SMG1: variants seen among roughly 807,000 people sequenced by gnomAD.
SMG1 encodes serine/threonine-protein kinase SMG1.
In SMG1, 22 loss-of-function variants were observed where a neutral mutation model predicts 419.9. That is an observed-to-expected ratio of 0.05 (90% confidence interval 0.04 to 0.07). The LOEUF (loss-of-function observed/expected upper bound fraction) is 0.07, where lower values mean the gene tolerates loss of function less well. SMG1 is among the 10% of genes least tolerant of loss of function. SMG1 has a pLI of 1.00. For synonymous variants in SMG1, 1,538 were observed against 1,553.5 expected (o/e 0.99, Z 0.23); for missense variants, 3,185 against 4,342.0 (o/e 0.73, Z 7.49).
At chr16:18,886,692 C>T (rs2036626080) in intron 6 of SMG1, among the ~76,000 whole-genome samples, 1 of 152,140 alleles carries the variant, frequency 6.6e-6, no homozygotes, top group Non-Finnish European at 1.5e-5. Context: ...ATCCCAGCTA[C>T]TCAGGAGGCT....
chr16:18,905,346 C>G (rs2037519744), intron 1 of SMG1, among the ~76,000 whole-genome samples: 1 of 152,162 alleles, frequency 6.6e-6, no homozygotes, highest in Non-Finnish European at 1.5e-5. Flanking sequence ...GCAGACAAAC[C>G]TGTTGAAAAA....
chr16:18,829,343 A>G lies in SMG1; in HGVS notation c.9546T>C (p.Ser3182=). 1.9e-6 allele frequency: 3 copies of G among 1,614,002 alleles called. No homozygotes were observed. The highest frequency in any genetic ancestry group is 2.5e-6 in the Non-Finnish European group (3 of 1,179,880). Residue 3182 remains serine (S), a synonymous_variant, in exon 54 of 63, where the codon AGT becomes AGC. Coordinates refer to ENST00000446231, the MANE Select transcript of SMG1 (RefSeq NM_015092.5). ...GCAGGCTTGTCTTACAAGAAGAAAT[A>G]CTGGTTTCTAGCCTTCGCACCAAGT... is the stretch of plus-strand genomic sequence containing the variant. ...KHDLVRRLET[S]ISSCKTSLQR...
chr16:18,924,674 C>T lies in SMG1; in HGVS notation c.92+1276G>A, dbSNP rs551249187. On this transcript the variant is annotated intron_variant, in intron 1 of 62. Transcript: ENST00000446231. ...TTATCGAACAATATTTTTTTTTTTACGACTAAACATCTCAATTCTAGACTC... is the reference window on the plus strand; with the variant it reads ...TTATCGAACAATATTTTTTTTTTTATGACTAAACATCTCAATTCTAGACTC... Among the ~76,000 whole-genome samples the T allele has an allele frequency of 1.7e-3, 258 of 151,480 alleles. 2 individuals carry two copies. The highest frequency in any genetic ancestry group is 6.8e-3 in the Middle Eastern group (2 of 294).
intron 13 of SMG1, among the ~76,000 whole-genome samples, chr16:18,873,140 T>G (rs2035914953): frequency 6.6e-6 from 1 of 151,934 alleles, no homozygotes; most frequent in Non-Finnish European, 1.5e-5. Context: ...GATGACAAAG[T>G]TAAGACTCTC....
chr16:18,898,087 G>A (rs557085707), intron 1 of SMG1, among the ~76,000 whole-genome samples: 1 of 152,226 alleles, frequency 6.6e-6, no homozygotes, highest in African/African-American at 2.4e-5. Context: ...TATATATTTC[G>A]TTTAGAGTTT....
chr16:18,869,924 T>A lies in SMG1; in HGVS notation c.2563A>T (p.Asn855Tyr). 6.5e-7 allele frequency: 1 copy of A among 1,526,924 alleles called. No homozygotes were observed. Among genetic ancestry groups the A allele is most frequent in the Non-Finnish European group, 8.9e-7 (1 of 1,119,386 alleles). The allele number at this position is 1,526,924 out of a possible 1,614,324, so 94.6% of individuals were successfully genotyped here. ...LRSHMSKAPS[N>Y]TFHPQDFSDV... ...GAGAAATCTTGGGGGTGGAATGTAT[T>A]ACTTGGTGCTTTACTCATGTGACTT... Residue 855 changes from asparagine to tyrosine, a missense_variant, in exon 19 of 63, where the codon AAT becomes TAT. Asn to Tyr is a moderately radical substitution (Grantham distance 143). This residue lies in a region of SMG1 where 297 missense variants were observed against 491.0 expected (regional missense o/e 0.60). Coordinates refer to ENST00000446231, the MANE Select transcript of SMG1 (RefSeq NM_015092.5).
At position 18,885,103 on chromosome 16, in the gene SMG1, C is replaced by T. The variant is rs1412271932; in HGVS notation, c.1008G>A (p.Thr336=). The change falls in exon 8 of 63, where the codon ACG becomes ACA. Residue 336 remains threonine, a synonymous_variant. Transcript: ENST00000446231. ...TGCAAGACTTACCAGATACCTGCTGCGTGAGCGAAGGTTTCTGAGTATGAT... is the reference window on the plus strand; with the variant it reads ...TGCAAGACTTACCAGATACCTGCTGTGTGAGCGAAGGTTTCTGAGTATGAT... ...HIDHTQKPSL[T]QQVSGWLQSL... The T allele has an allele frequency of 7.7e-6, 7 of 903,402 alleles. No individual in the cohort carries two copies. The highest frequency in any genetic ancestry group is 2.5e-5 in the East Asian group (1 of 39,716). The allele number at this position is 903,402 out of a possible 1,614,324, so 56.0% of individuals were successfully genotyped here.
intron 1 of SMG1, among the ~76,000 whole-genome samples, chr16:18,915,199 C>A (rs905874666): frequency 1.1e-4 from 16 of 151,900 alleles, no homozygotes; most frequent in African/African-American, 3.4e-4. Context: ...GGTCTTGATC[C>A]CTTGACCTCA....
chr16:18,881,624 T>C (rs573804148), intron 10 of SMG1, among the ~76,000 whole-genome samples: 16 of 152,314 alleles, frequency 1.1e-4, no homozygotes, highest in African/African-American at 3.1e-4. Flanking sequence ...TCTTTTCCAC[T>C]GAACCCTCAT....
chr16:18,867,735 G>C (rs1463337032), intron 22 of SMG1, among the ~76,000 whole-genome samples: 3 of 115,240 alleles, frequency 2.6e-5, no homozygotes, highest in African/African-American at 6.6e-5. Flanking sequence ...CTGAGGCGGA[G>C]TCTTGCTCTG....
chr16:18,897,734 TA>T (rs1197799099), intron 1 of SMG1, among the ~76,000 whole-genome samples: 1 of 152,084 alleles, frequency 6.6e-6, no homozygotes, highest in Admixed American at 6.6e-5. Context: ...AACTACCTCA[TA>T]AGTAAAACAG....
At chr16:18,863,058 T>G (rs146515676) in intron 25 of SMG1, among the ~76,000 whole-genome samples, 3 of 152,370 alleles carry the variant, frequency 2.0e-5, no homozygotes, top group African/African-American at 7.2e-5. Flanking sequence ...GGAATTTGTG[T>G]CTGTTTTATG....
At chr16:18,894,556 C>G (rs985331002) in intron 3 of SMG1, among the ~76,000 whole-genome samples, 3 of 151,836 alleles carry the variant, frequency 2.0e-5, no homozygotes, top group African/African-American at 7.3e-5. Context: ...ACAGCATAGC[C>G]TTTGAATTCA....
chr16:18,897,546 C>T (rs1479392750), intron 1 of SMG1, among the ~76,000 whole-genome samples: 2 of 152,068 alleles, frequency 1.3e-5, no homozygotes, highest in African/African-American at 4.8e-5. Flanking sequence ...AAAAAGAAGA[C>T]ATTTTAAGAA....
intron 60 of SMG1, 142 bp downstream of exon 60, chr16:18,815,033 G>T: frequency 1.6e-6 from 1 of 619,732 alleles, no homozygotes; most frequent in Non-Finnish European, 2.8e-6. Flanking sequence ...GTATTTTTAA[G>T]GATAAGCTAA....
rs2035779408 is a variant in SMG1 at position 18,870,860 on chromosome 16, C to G, written c.2331G>C (p.Leu777=). The change falls in exon 17 of 63, where the codon CTG becomes CTC. Residue 777 remains leucine, a synonymous_variant. Coordinates refer to ENST00000446231, the MANE Select transcript of SMG1 (RefSeq NM_015092.5). The part of the protein sequence containing the change: ...NTLVEDVNIC[L]QACSSLHALS... ...GAGCATGTAGACTGCTGCATGCCTGCAGACAGATATTCACATCTTCAACGA... is the reference window on the plus strand; with the variant it reads ...GAGCATGTAGACTGCTGCATGCCTGGAGACAGATATTCACATCTTCAACGA... 6.3e-7 allele frequency: 1 copy of G among 1,580,290 alleles called. No homozygotes were observed. Among genetic ancestry groups the G allele is most frequent in the Admixed American group, 1.8e-5 (1 of 55,548 alleles).
At position 18,816,474 on chromosome 16, in the gene SMG1, T is replaced by C; in HGVS notation, c.10130A>G (p.Lys3377Arg). ...AGTAGACATATCCTGGGTCAACTGT[T>C]TGTGTGCTGACAAAAGCCATTCAGA... ...GSSEWLLSAHKQLTQDMSTQR... is the reference protein window; with the variant it reads ...GSSEWLLSAHRQLTQDMSTQR... The change falls in exon 58 of 63, where the codon AAA becomes AGA. Residue 3377 changes from lysine to arginine, a missense_variant. Lys to Arg is a conservative substitution (Grantham distance 26). Around this residue, in one of 27 missense-constraint regions of SMG1, gnomAD observed 737 missense variants for 846.6 expected, o/e 0.87. Coordinates refer to ENST00000446231, the MANE Select transcript of SMG1 (RefSeq NM_015092.5). 6.2e-7 allele frequency: 1 copy of C among 1,613,974 alleles called. No individual in the cohort carries two copies. The highest frequency in any genetic ancestry group is 8.5e-7 in the Non-Finnish European group (1 of 1,179,864).
rs550868505 is a variant in SMG1 at position 18,911,027 on chromosome 16, C to T, written c.93-14071G>A. ...ACATTCCATTTACATTGTACTTGCC[C>T]TCCAATCTATGCAAATAGTCACAAA... is the stretch of plus-strand genomic sequence containing the variant. On this transcript the variant is annotated intron_variant, in intron 1 of 62. Coordinates refer to ENST00000446231, the MANE Select transcript of SMG1 (RefSeq NM_015092.5). Among the ~76,000 whole-genome samples, 3 of 152,202 alleles carry T rather than the reference C, an allele frequency of 2.0e-5. No individual in the cohort carries two copies. The East Asian group carries it at 5.8e-4, about 29-fold the overall frequency.
At chr16:18,852,002 A>G (rs1596522741) in intron 33 of SMG1, 65 bp downstream of exon 33, 6 of 1,506,946 alleles carry the variant, frequency 4.0e-6, no homozygotes, top group African/African-American at 2.8e-5. Flanking sequence ...AATATATATG[A>G]TCAATTTTCT....
Sources: allele counts gnomAD v4.1 joint callset (sites outside exome capture counted in the v4.1 genomes callset), GRCh38; gene constraint gnomAD v4.1.1; regional missense constraint gnomAD v4.1.1; transcripts MANE v1.5; gene names NCBI Gene and HGNC (gene_info 2026-07-23, HGNC 2026-07-21).